TNS1: variants seen among roughly 807,000 people sequenced by gnomAD.
TNS1 encodes tensin-1.
TNS1 carries 62 observed loss-of-function variants against 168.6 expected under a neutral mutation model. The ratio of observed to expected loss-of-function variants is 0.37; its 90% CI spans 0.30 to 0.45. The LOEUF is 0.45. TNS1 is among the 20% of genes least tolerant of loss of function. The probability of loss-of-function intolerance (pLI) is 1.00; values close to 1 mark genes in which losing one functional copy is unlikely to be tolerated. For missense variants in TNS1, 2,240 were observed against 2,339.4 expected (o/e 0.96, Z 0.88); for synonymous variants, 934 against 933.2 (o/e 1.00, Z -0.02).
chr2:217,998,276 C>T (rs1044003969), intron 1 of TNS1, among the ~76,000 whole-genome samples: 13 of 148,970 alleles, frequency 8.7e-5, no homozygotes, highest in Non-Finnish European at 1.8e-4. Flanking sequence ...CCATCAGCAT[C>T]TCTCTCTCTC....
chr2:217,846,364 C>A (rs908063966), intron 19 of TNS1, among the ~76,000 whole-genome samples: 1 of 152,188 alleles, frequency 6.6e-6, no homozygotes, highest in African/African-American at 2.4e-5. Flanking sequence ...AGCTGGCCTG[C>A]CCCAAGCTGC....
rs898411665 is a variant in TNS1 at position 218,029,738 on chromosome 2, C to T, written c.156+4082G>A. On this transcript the variant is annotated intron_variant, in intron 1 of 1. Transcript: ENST00000649572. ...TCCCTGTGGTTAGAAGTCGGGATTGCGCACTGCCCTCCAAGGGGGATTAGT... is the reference window on the plus strand; with the variant it reads ...TCCCTGTGGTTAGAAGTCGGGATTGTGCACTGCCCTCCAAGGGGGATTAGT... Among the ~76,000 whole-genome samples, 119 of 152,288 alleles carry T rather than the reference C, an allele frequency of 7.8e-4. 1 individual carries two copies. The highest frequency in any genetic ancestry group is 4.6e-4 in the Admixed American group (7 of 15,300).
Position 217,804,274 on chromosome 2 carries a change from CT to C in TNS1, c.*184del. On this transcript the variant is annotated 3_prime_UTR_variant, in exon 33 of 33. Transcript: ENST00000682258. ...TCCATCTTTCTCTCTCTCTCTCTCT[CT>C]CTCTCTCTCTCTCTTTTCCCCCTCC... 1.5e-6 allele frequency: 1 copy of C among 649,106 alleles called. No homozygotes were observed. The highest frequency in any genetic ancestry group is 3.0e-5 in the Admixed American group (1 of 32,834). 40.2% of individuals were successfully genotyped at this position (649,106 alleles called of 1,614,324 possible).
intron 11 of TNS1, 54 bp from the exon 12 acceptor site, chr2:217,891,099 T>C (rs940722798): frequency 1.9e-4 from 304 of 1,585,342 alleles, no homozygotes; most frequent in Middle Eastern, 7.3e-4. Context: ...CAAGAGCCGC[T>C]TGTTTTCCCC....
intron 21 of TNS1, among the ~76,000 whole-genome samples, chr2:217,832,969 T>C (rs1395408327): frequency 1.3e-5 from 2 of 152,068 alleles, no homozygotes; most frequent in Non-Finnish European, 2.9e-5. Context: ...CACACACAGA[T>C]TCTGTTTCTA....
At chr2:217,888,358 T>C (rs1364160331) in intron 12 of TNS1, among the ~76,000 whole-genome samples, 1 of 152,118 alleles carries the variant, frequency 6.6e-6, no homozygotes, top group East Asian at 1.9e-4. Context: ...AGGGTGGCAA[T>C]AAATGCATAG....
At chr2:217,828,925 G>A (rs985472633) in intron 22 of TNS1, among the ~76,000 whole-genome samples, 2 of 152,174 alleles carry the variant, frequency 1.3e-5, no homozygotes, top group Admixed American at 1.3e-4. Context: ...TGTAAGATGG[G>A]GGCTCTGCGC....
chr2:217,940,819 C>A (rs968130240), intron 3 of TNS1, among the ~76,000 whole-genome samples: 1 of 152,038 alleles, frequency 6.6e-6, no homozygotes, highest in East Asian at 1.9e-4. Context: ...CAAGCCCACC[C>A]GGAAGCACTC....
chr2:217,948,897 G>A lies in TNS1; in HGVS notation c.187-28661C>T. ...CCTTTGCTGCACATCCCCACCTCGG[G>A]AAGGAGAAGTGCTGGGCTTTCCACA... On this transcript the variant is annotated intron_variant, in intron 3 of 32. Transcript: ENST00000682258. This position sits in a 1 kb window ranked among gnomAD's most constrained non-coding sequence, Gnocchi z 4.1. Among the ~76,000 whole-genome samples, 1 of 150,992 alleles carries A rather than the reference G, an allele frequency of 6.6e-6. No individual in the cohort carries two copies. The highest frequency in any genetic ancestry group is 6.6e-5 in the Admixed American group (1 of 15,240).
chr2:217,882,477 T>C (rs1412247370), intron 16 of TNS1, 66 bp from the exon 17 acceptor site: 3 of 1,132,292 alleles, frequency 2.6e-6, no homozygotes, highest in Non-Finnish European at 3.9e-6. Flanking sequence ...TAAAAAGTTT[T>C]CTTCTAGAAA....
At chr2:218,004,819 T>C (rs4015934), upstream of TNS1, among the ~76,000 whole-genome samples, 125,529 of 152,226 alleles carry the variant, frequency 0.82, 51,947 homozygotes, top group East Asian at 0.95. Context: ...GATCACAATG[T>C]CCCTCTGGAC....
intron 1 of TNS1, among the ~76,000 whole-genome samples, chr2:217,997,996 A>G (rs1004727790): frequency 6.6e-6 from 1 of 152,202 alleles, no homozygotes; most frequent in African/African-American, 2.4e-5. Context: ...CCCTCAGAAG[A>G]AAGAGAACGT....
chr2:218,002,103 G>A (rs866988510), intron 1 of TNS1, among the ~76,000 whole-genome samples: 1 of 152,138 alleles, frequency 6.6e-6, no homozygotes, highest in Non-Finnish European at 1.5e-5. Flanking sequence ...TTACCCAGGA[G>A]CCTCAGCCCA....
At chr2:217,950,939 G>A (rs999921416) in intron 3 of TNS1, among the ~76,000 whole-genome samples, 16 of 151,790 alleles carry the variant, frequency 1.1e-4, no homozygotes, top group East Asian at 5.8e-4. Flanking sequence ...AAATCTCCCC[G>A]TTGCTGCACC....
At chr2:217,978,655 G>A in intron 3 of TNS1, 110 bp downstream of exon 3, 1 of 630,626 alleles carries the variant, frequency 1.6e-6, no homozygotes, top group African/African-American at 1.9e-5. Context: ...GAGAGGAGGA[G>A]GGACGCCCCG....
intron 25 of TNS1, among the ~76,000 whole-genome samples, chr2:217,814,709 A>G (rs1236910097): frequency 6.6e-6 from 1 of 152,216 alleles, no homozygotes; most frequent in Non-Finnish European, 1.5e-5. Context: ...AACCCTTCCA[A>G]GAGGTGTCTA....
chr2:218,000,586 A>G (rs975957599), intron 1 of TNS1, among the ~76,000 whole-genome samples: 1 of 152,248 alleles, frequency 6.6e-6, no homozygotes, highest in African/African-American at 2.4e-5. Flanking sequence ...CACCCTAGCC[A>G]TACAAGGAGT....
chr2:218,014,198 C>T (rs1291253170), upstream of TNS1, among the ~76,000 whole-genome samples: 2 of 152,218 alleles, frequency 1.3e-5, no homozygotes, highest in Non-Finnish European at 2.9e-5. Context: ...GAGACTCCAG[C>T]TCTTGCTTTC....
At chr2:217,931,135 G>A (rs1956301074) in intron 3 of TNS1, among the ~76,000 whole-genome samples, 1 of 152,166 alleles carries the variant, frequency 6.6e-6, no homozygotes, top group Admixed American at 6.5e-5. Flanking sequence ...GCCCGGTGGG[G>A]GAGACAGGCA....
Sources: allele counts gnomAD v4.1 joint callset (sites outside exome capture counted in the v4.1 genomes callset), GRCh38; gene constraint gnomAD v4.1.1; non-coding constraint Gnocchi (gnomAD v3.1); transcripts MANE v1.5; gene names NCBI Gene and HGNC (gene_info 2026-07-23, HGNC 2026-07-21).